Variants in ZNF208 observed in about 807,000 individuals in gnomAD.
ZNF208 encodes the protein zinc finger protein 208.
Under a neutral mutation model 12.1 loss-of-function variants are expected in ZNF208, and 10 were observed. That is an observed-to-expected ratio of 0.83 (90% CI 0.51 to 1.40). The LOEUF (loss-of-function observed/expected upper bound fraction) is 1.40, where lower values mean the gene tolerates loss of function less well. Ranked by LOEUF, ZNF208 falls within the 40% of genes most tolerant of loss-of-function variation. The probability of loss-of-function intolerance (pLI) is 0.00; values close to 1 mark genes in which losing one functional copy is unlikely to be tolerated. For missense variants in ZNF208, 1,652 were observed against 1,485.0 expected, an observed-to-expected ratio of 1.11 and a Z score of -1.85; for synonymous variants, 497 against 488.4, an observed-to-expected ratio of 1.02 and a Z score of -0.23.
At position 21,971,471 on chromosome 19, in the gene ZNF208, T is replaced by C. The variant is rs369717736; in HGVS notation, c.3563A>G (p.Lys1188Arg). ...GAGTTTCTCTCCAGTATGAATTACC[T>C]TATGTTTTGCAAGGATTGAGAACAT... Reference protein sequence around the residue: ...FVMFSILAKHKVIHTGEKLYK... With the variant: ...FVMFSILAKHRVIHTGEKLYK... The change falls in exon 4 of 4, where the codon AAG becomes AGG. Residue 1188 changes from lysine (K) to arginine (R), a missense_variant. Physicochemically the swap from Lys to Arg is conservative, Grantham distance 26 (BLOSUM62 2). This residue lies in a region of ZNF208 where 1,239 missense variants were observed against 1,086.2 expected (regional missense o/e 1.14). Coordinates refer to ENST00000397126, the MANE Select transcript of ZNF208 (RefSeq NM_007153.3). The C allele has an allele frequency of 2.7e-5, 44 of 1,611,250 alleles. No homozygotes were observed. In the East Asian group the frequency reaches 8.9e-4, roughly 33 times the overall value.
rs1970189180 is a variant in ZNF208 at position 21,967,265 on chromosome 19, C to A, written c.*3926G>T. 1 of 151,872 alleles carries A rather than the reference C, an allele frequency of 6.6e-6. No homozygotes were observed. The highest frequency in any genetic ancestry group is 2.1e-4 in the South Asian group (1 of 4,766). The allele number at this position is 151,872 out of a possible 1,614,324, so 9.4% of individuals were successfully genotyped here. A position where few individuals can be genotyped will look rare whatever the true frequency, so the allele number is the denominator to read the frequency against. ...TAGTACAGTTTTCTTCCACATATGA[C>A]TAACCAGTTTTCCCAGTATTACTTA... On this transcript the variant is annotated 3_prime_UTR_variant, in exon 4 of 4. Transcript: ENST00000397126.
chr19:22,000,076 A>G (rs758704523), intron 1 of ZNF208, among the ~76,000 whole-genome samples: 1 of 152,196 alleles, frequency 6.6e-6, no homozygotes, highest in Non-Finnish European at 1.5e-5. Flanking sequence ...GTTCTTAGAG[A>G]CCTATGAAGA....
At chr19:21,953,101 A>G (rs1269035590) in intron 4 of ZNF208, among the ~76,000 whole-genome samples, 1 of 152,218 alleles carries the variant, frequency 6.6e-6, no homozygotes, top group African/African-American at 2.4e-5. Flanking sequence ...TAAAATGAGA[A>G]GACAAGCTTA....
At chr19:21,956,914 C>T (rs1191644852) in intron 4 of ZNF208, among the ~76,000 whole-genome samples, 1 of 152,194 alleles carries the variant, frequency 6.6e-6, no homozygotes, top group Non-Finnish European at 1.5e-5. Flanking sequence ...ATCTGTGTCA[C>T]TCACACTGGG....
intron 1 of ZNF208, among the ~76,000 whole-genome samples, chr19:22,000,992 A>C (rs746548964): frequency 1.6e-4 from 24 of 152,242 alleles, no homozygotes; most frequent in East Asian, 1.5e-3. Context: ...CACACACACA[A>C]AAATCAAAGC....
rs1373229735 is a variant in ZNF208 at position 21,967,912 on chromosome 19, T to C, written c.*3279A>G. The C allele has an allele frequency of 6.6e-6, 1 of 152,206 alleles. No individual in the cohort carries two copies. Among genetic ancestry groups the C allele is most frequent in the Non-Finnish European group, 1.5e-5 (1 of 68,038 alleles). 9.4% of individuals were successfully genotyped at this position (152,206 alleles called of 1,614,324 possible). A position where few individuals can be genotyped will look rare whatever the true frequency, so the allele number is the denominator to read the frequency against. Reference sequence around the variant, plus strand: ...CCATTTATTTGCATTGTCTCTCGTTTCTTTCAGCAATGTTTTGTTGTTCTT... The same window carrying C: ...CCATTTATTTGCATTGTCTCTCGTTCCTTTCAGCAATGTTTTGTTGTTCTT... On this transcript the variant is annotated 3_prime_UTR_variant, in exon 4 of 4. Coordinates refer to ENST00000397126, the MANE Select transcript of ZNF208 (RefSeq NM_007153.3).
chr19:22,008,807 G>A (rs906085972), intron 1 of ZNF208, among the ~76,000 whole-genome samples: 3 of 151,988 alleles, frequency 2.0e-5, no homozygotes, highest in African/African-American at 4.8e-5. Flanking sequence ...TCAGCCCCAG[G>A]GTATTCACCT....
rs564535167 is a variant in ZNF208 at position 21,996,128 on chromosome 19, C to T, written c.4-7219G>A. Among the ~76,000 whole-genome samples, 9 of 152,172 alleles carry T rather than the reference C, an allele frequency of 5.9e-5. 1 individual carries two copies. The South Asian group carries it at 1.7e-3, about 28-fold the overall frequency. ...CTAGGATATTCTAAATAATATTTTA[C>T]CTTAAAAAAGCTGACACAACATGAA... On this transcript the variant is annotated intron_variant, in intron 1 of 3. Coordinates refer to ENST00000397126, the MANE Select transcript of ZNF208 (RefSeq NM_007153.3).
chr19:21,962,710 A>T (rs1482229690), downstream of ZNF208, among the ~76,000 whole-genome samples: 1 of 152,158 alleles, frequency 6.6e-6, no homozygotes, highest in African/African-American at 2.4e-5. Context: ...ACTTCTCAGA[A>T]ATAAACAACA....
chr19:21,988,790 G>T lies in ZNF208; in HGVS notation c.123C>A (p.Val41=). ...TATTAAAGTTATTCTCACCCAGGAA[G>T]ACCAGGTTTCTGTAGTTCTCTAACA... is the stretch of plus-strand genomic sequence containing the variant. The part of the protein sequence containing the change: ...NVMLENYRNL[V]FLGIAAFKPD... Residue 41 remains valine, a synonymous_variant, in exon 2 of 4, where the codon GTC becomes GTA. Transcript: ENST00000397126. 1 of 1,614,128 alleles carries T rather than the reference G, an allele frequency of 6.2e-7. No individual in the cohort carries two copies. Among genetic ancestry groups the T allele is most frequent in the Non-Finnish European group, 8.5e-7 (1 of 1,179,980 alleles).
At chr19:21,988,293 AAAG>A (rs1411618568) in intron 2 of ZNF208, among the ~76,000 whole-genome samples, 1 of 152,138 alleles carries the variant, frequency 6.6e-6, no homozygotes, top group African/African-American at 2.4e-5. Flanking sequence ...ATTATACAAA[AAAG>A]AAATGGTGTT....
At position 21,958,751 on chromosome 19, in the gene ZNF208, A is replaced by C. The variant is rs954077947; in HGVS notation, c.305+15978T>G. Reference sequence around the variant, plus strand: ...AAGAAATCTTAGCTGCTAGAACAGTACCCCTCTCCAGTGAGGAATAGCCAA... The same window carrying C: ...AAGAAATCTTAGCTGCTAGAACAGTCCCCCTCTCCAGTGAGGAATAGCCAA... On this transcript the variant is annotated intron_variant, in intron 4 of 4. Coordinates refer to the ZNF208 transcript ENST00000599916. Among the ~76,000 whole-genome samples the C allele has an allele frequency of 1.1e-4, 9 of 84,494 alleles. No individual in the cohort carries two copies. The East Asian group carries it at 1.3e-3, about 12-fold the overall frequency. The allele number at this position is 84,494 out of a possible 152,430, so 55.4% of individuals were successfully genotyped here. A position where few individuals can be genotyped will look rare whatever the true frequency, so the allele number is the denominator to read the frequency against.
At chr19:21,982,314 C>T (rs1484814999) in intron 3 of ZNF208, among the ~76,000 whole-genome samples, 1 of 143,930 alleles carries the variant, frequency 6.9e-6, no homozygotes, top group Non-Finnish European at 1.5e-5. Flanking sequence ...GCTGAGATCG[C>T]ACCACTGCAC....
chr19:21,992,160 TTGA>T (rs1474108471), intron 1 of ZNF208, among the ~76,000 whole-genome samples: 1 of 152,134 alleles, frequency 6.6e-6, no homozygotes, highest in African/African-American at 2.4e-5. Context: ...ATAAAGATAC[TTGA>T]TGATGAAGAG....
At position 21,975,851 on chromosome 19, in the gene ZNF208, A is replaced by AAAAAAAAAAAAAAAAG. The variant is rs377638519; in HGVS notation, c.227-1045_227-1044insCTTTTTTTTTTTTTTT. ...AAAAAAAAAAAAAAAAAAAAAAAAAAGCTATCAAGTGAGAATAATACCATC... is the reference window on the plus strand; with the variant it reads ...AAAAAAAAAAAAAAAAAAAAAAAAAAAAAAAAAAAAAAAAAGGCTATCAAGTGAGAATAATACCATC... On this transcript the variant is annotated intron_variant, in intron 3 of 3. Coordinates refer to ENST00000397126, the MANE Select transcript of ZNF208 (RefSeq NM_007153.3). 2.8e-4 allele frequency among the ~76,000 whole-genome samples: 26 copies of AAAAAAAAAAAAAAAAG among 91,878 alleles called. 7 individuals carry two copies. The highest frequency in any genetic ancestry group is 1.0e-3 in the African/African-American group (23 of 21,966). 60.3% of individuals were successfully genotyped at this position (91,878 alleles called of 152,430 possible).
At chr19:22,002,615 T>C (rs8112395) in intron 1 of ZNF208, among the ~76,000 whole-genome samples, 88,567 of 151,160 alleles carry the variant, frequency 0.59, 26,218 homozygotes, top group East Asian at 0.69. Flanking sequence ...AAAAGAATAA[T>C]ATATCTAGAA....
chr19:21,992,033 C>G (rs1049591438), intron 1 of ZNF208, among the ~76,000 whole-genome samples: 3 of 152,072 alleles, frequency 2.0e-5, no homozygotes, highest in Middle Eastern at 3.4e-3. Context: ...CTCAGTTTTT[C>G]TGGTTTGTAA....
rs779774303 is a variant in ZNF208 at position 21,972,606 on chromosome 19, A to G, written c.2428T>C (p.Cys810Arg). ...GAGACCTTACTAAAGGTTTTGCCAC[A>G]TTCTTCACATTTGTAGGGTTTCTCA... The part of the protein sequence containing the change: ...TDEKPYKCEE[C>R]GKTFSKVSTL... Residue 810 changes from cysteine (C) to arginine (R), a missense_variant, in exon 4 of 4, where the codon TGT (cysteine) becomes CGT (arginine). This residue lies in a region of ZNF208 where 1,239 missense variants were observed against 1,086.2 expected (regional missense o/e 1.14). Coordinates refer to ENST00000397126, the MANE Select transcript of ZNF208 (RefSeq NM_007153.3). 3.1e-6 allele frequency: 5 copies of G among 1,613,442 alleles called. No homozygotes were observed. Among genetic ancestry groups the G allele is most frequent in the Non-Finnish European group, 4.2e-6 (5 of 1,179,906 alleles).
In ZNF208 at chr19:21,971,900, G is replaced by T. The variant is rs370891830; in HGVS notation, c.3134C>A (p.Thr1045Asn). The change falls in exon 4 of 4, where the codon ACT becomes AAT. Residue 1045 changes from threonine to asparagine, a missense_variant. This residue lies in a region of ZNF208 where 1,239 missense variants were observed against 1,086.2 expected (regional missense o/e 1.14). Transcript: ENST00000397126. ...TCCAGCATGAGTTGCCTTATGTTCA[G>T]TAAGGCTTGAGGGCCAGCTGAAGGC... The part of the protein sequence containing the change: ...DKAFSWPSSL[T>N]EHKATHAGEK... 5 of 1,527,928 alleles carry T rather than the reference G, an allele frequency of 3.3e-6. No homozygotes were observed. The African/African-American group carries it at 7.0e-5, about 21-fold the overall frequency. The allele number at this position is 1,527,928 out of a possible 1,614,324, so 94.6% of individuals were successfully genotyped here. A position where few individuals can be genotyped will look rare whatever the true frequency, so the allele number is the denominator to read the frequency against.
Sources: allele counts gnomAD v4.1 joint callset (sites outside exome capture counted in the v4.1 genomes callset), GRCh38; gene constraint gnomAD v4.1.1; regional missense constraint gnomAD v4.1.1; transcripts MANE v1.5; gene names NCBI Gene and HGNC (gene_info 2026-07-23, HGNC 2026-07-21).